The following DNAJC9 variants were observed in gnomAD, a reference collection of about 807,000 sequenced individuals.
DNAJC9 encodes DnaJ heat shock protein family (Hsp40) member C9.
A neutral mutation model predicts 32.4 loss-of-function variants in DNAJC9; 18 were observed. The observed-to-expected ratio is 0.56, with a 90% CI of 0.38 to 0.82. DNAJC9 has a LOEUF of 0.82. Ranked by LOEUF, DNAJC9 falls within the 40% of genes least tolerant of loss-of-function variation. DNAJC9 has a pLI of 0.00. For missense variants in DNAJC9, 310 were observed against 321.8 expected, an observed-to-expected ratio of 0.96 and a Z score of 0.28; for synonymous variants, 113 against 122.1, an observed-to-expected ratio of 0.93 and a Z score of 0.49.
chr10:73,243,787 A>T (rs949538081), intron 4 of DNAJC9, 56 bp downstream of exon 4: 2 of 1,462,058 alleles, frequency 1.4e-6, no homozygotes, highest in African/African-American at 2.8e-5. Flanking sequence ...TCCAAAGAAA[A>T]TATTAGCAGT....
At chr10:73,243,641 G>C in intron 4 of DNAJC9, 122 bp from the exon 5 acceptor site, 2 of 1,328,624 alleles carry the variant, frequency 1.5e-6, no homozygotes, top group Non-Finnish European at 2.1e-6. Context: ...TTTTGGAATG[G>C]TGAAAATGTC....
rs2043968027 is a variant in DNAJC9, at chr10:73,242,696, A to G, written c.*704T>C. 1 of 152,214 alleles carries G rather than the reference A, an allele frequency of 6.6e-6. No individual in the cohort carries two copies. The highest frequency in any genetic ancestry group is 2.1e-4 in the South Asian group (1 of 4,832). The allele number at this position is 152,214 out of a possible 1,614,324, so 9.4% of individuals were successfully genotyped here. A position where few individuals can be genotyped will look rare whatever the true frequency, so the allele number is the denominator to read the frequency against. ...ACTACAACATACATCTCTTCATGCT[A>G]GGGAAACCAGGCTCTCTATTATAAA... On this transcript the variant is annotated 3_prime_UTR_variant, in exon 5 of 5. Transcript: ENST00000372950.
At chr10:73,235,117 T>C (rs867530426), downstream of DNAJC9, 1 of 1,495,846 alleles carries the variant, frequency 6.7e-7, no homozygotes, top group Non-Finnish European at 9.1e-7. Flanking sequence ...ATATCTGCCA[T>C]GGTCGATAGG....
chr10:73,235,394 C>G, downstream of DNAJC9: 1 of 1,534,818 alleles, frequency 6.5e-7, no homozygotes, highest in Non-Finnish European at 8.8e-7. Context: ...GTTTGGCAGA[C>G]TTAAGATTTT....
At chr10:73,246,498 C>A (rs2044011887) in intron 2 of DNAJC9, among the ~76,000 whole-genome samples, 190 bp downstream of exon 2, 1 of 152,244 alleles carries the variant, frequency 6.6e-6, no homozygotes, top group Middle Eastern at 3.4e-3. Context: ...CTTTTCAGTG[C>A]AACAATCACA....
At chr10:73,234,640 T>A, downstream of DNAJC9, 1 of 664,114 alleles carries the variant, frequency 1.5e-6, no homozygotes, top group African/African-American at 1.8e-5. Flanking sequence ...CAGAAAACAC[T>A]ATTTTAAAAA....
intron 4 of DNAJC9, 134 bp downstream of exon 4, chr10:73,243,709 G>T: frequency 1.8e-6 from 2 of 1,095,922 alleles, no homozygotes; most frequent in South Asian, 1.6e-5. Context: ...CCACCAAATT[G>T]TACACTTTAA....
chr10:73,244,402 T>TTGTAGTCCCAGCTACTA (rs2043984820), intron 3 of DNAJC9: 1 of 151,072 alleles, frequency 6.6e-6, no homozygotes, highest in Admixed American at 6.7e-5. Context: ...GAGGCTGAGG[T>TTGTAGTCCCAGCTACTA]GGGAAGATGG....
chr10:73,243,925 T>C lies in DNAJC9; in HGVS notation c.581A>G (p.Gln194Arg). ...QKMNARKRRA[Q>R]EEAKEAEMSR... ...CATTTCTGCTTCTTTGGCCTCTTCC[T>C]GAGCCTGAAACAGGAACTCACATGA... is the stretch of plus-strand genomic sequence containing the variant. The change falls in exon 4 of 5, where the codon CAG (glutamine) becomes CGG (arginine). Residue 194 changes from glutamine to arginine, a missense_variant. By Grantham distance (43) the Gln-to-Arg change is conservative (BLOSUM62 1). Transcript: ENST00000372950. 3 of 1,614,058 alleles carry C rather than the reference T, an allele frequency of 1.9e-6. No homozygotes were observed. The highest frequency in any genetic ancestry group is 1.7e-6 in the Non-Finnish European group (2 of 1,179,982).
intron 2 of DNAJC9, among the ~76,000 whole-genome samples, chr10:73,232,682 T>C (rs1297016542): frequency 6.6e-6 from 1 of 152,244 alleles, no homozygotes; most frequent in African/African-American, 2.4e-5. Flanking sequence ...GGCAGGTGGA[T>C]AATGGACTTG....
chr10:73,237,200 T>A (rs772154035), downstream of DNAJC9, among the ~76,000 whole-genome samples: 2 of 152,134 alleles, frequency 1.3e-5, no homozygotes, highest in Non-Finnish European at 2.9e-5. Context: ...GACATAAATT[T>A]TGAGGGAACA....
intron 4 of DNAJC9, 98 bp downstream of exon 4, chr10:73,243,745 A>T: frequency 8.2e-7 from 1 of 1,214,274 alleles, no homozygotes; most frequent in Non-Finnish European, 1.2e-6. Flanking sequence ...GTATGCGGTT[A>T]TGTCTTAAAA....
At position 73,243,901 on chromosome 10, in the gene DNAJC9, A is replaced by AT; in HGVS notation, c.604dup (p.Met202AsnfsTer9). The AT allele has an allele frequency of 6.2e-7, 1 of 1,614,118 alleles. No individual in the cohort carries two copies. The highest frequency in any genetic ancestry group is 1.1e-5 in the South Asian group (1 of 91,070). ...ATCAAGCCCCAACTCCTTTCTGCTC[A>AT]TTTCTGCTTCTTTGGCCTCTTCCTG... On this transcript the variant is annotated frameshift_variant, in exon 4 of 5. Transcript: ENST00000372950. LOFTEE classifies it high-confidence loss of function.
downstream of DNAJC9, among the ~76,000 whole-genome samples, chr10:73,235,989 A>G (rs1156316760): frequency 6.6e-6 from 1 of 152,090 alleles, no homozygotes; most frequent in African/African-American, 2.4e-5. Context: ...ACCCCACATA[A>G]TCTGCTTTGT....
rs768286940 is a variant in DNAJC9, at chr10:73,242,519, A to G, written c.*881T>C. On this transcript the variant is annotated 3_prime_UTR_variant, in exon 5 of 5. Coordinates refer to ENST00000372950, the MANE Select transcript of DNAJC9 (RefSeq NM_015190.5). ...TTTTTTTTTAACCAAAAAACTGGAC[A>G]TGTTTAATACATACAGTTTGACAAA... is the stretch of plus-strand genomic sequence containing the variant. 2.0e-5 allele frequency: 3 copies of G among 152,136 alleles called. No homozygotes were observed. The highest frequency in any genetic ancestry group is 3.9e-4 in the East Asian group (2 of 5,188). The allele number at this position is 152,136 out of a possible 1,614,324, so 9.4% of individuals were successfully genotyped here.
chr10:73,244,735 T>C (rs2043988362), intron 3 of DNAJC9, among the ~76,000 whole-genome samples: 2 of 150,486 alleles, frequency 1.3e-5, no homozygotes, highest in South Asian at 4.1e-4. Context: ...TAGAGCATTG[T>C]TTACAAAATA....
intron 3 of DNAJC9, among the ~76,000 whole-genome samples, chr10:73,244,855 C>T (rs2043989652): frequency 6.6e-6 from 1 of 152,142 alleles, no homozygotes; most frequent in Admixed American, 6.5e-5. Flanking sequence ...CATTAGGACC[C>T]CCTATCCCAA....
In DNAJC9 at chr10:73,243,487, G is replaced by T; in HGVS notation, c.696C>A (p.Asp232Glu). ...SRQKDRQKEM[D>E]NFLAQMEAKY... Reference sequence around the variant, plus strand: ...TTGCTTCCATCTGAGCCAGAAAATTGTCCATTTCCTTTTGCCGATCCTTTT... The same window carrying T: ...TTGCTTCCATCTGAGCCAGAAAATTTTCCATTTCCTTTTGCCGATCCTTTT... The change falls in exon 5 of 5, where the codon GAC (aspartate) becomes GAA (glutamate). Residue 232 changes from aspartate to glutamate, a missense_variant. Transcript: ENST00000372950. 1 of 1,614,052 alleles carries T rather than the reference G, an allele frequency of 6.2e-7. No individual in the cohort carries two copies. The highest frequency in any genetic ancestry group is 1.1e-5 in the South Asian group (1 of 91,076).
intron 2 of DNAJC9, among the ~76,000 whole-genome samples, chr10:73,232,626 G>A (rs888560245): frequency 2.0e-5 from 3 of 152,226 alleles, no homozygotes; most frequent in Non-Finnish European, 4.4e-5. Flanking sequence ...TGGAGTAGGT[G>A]TCCTTCAGGC....
Sources: allele counts gnomAD v4.1 joint callset (sites outside exome capture counted in the v4.1 genomes callset), GRCh38; gene constraint gnomAD v4.1.1; transcripts MANE v1.5; gene names NCBI Gene and HGNC (gene_info 2026-07-23, HGNC 2026-07-21).